Variants in LMBR1L observed in about 807,000 individuals in gnomAD.
LMBR1L encodes the protein protein LMBR1L.
A neutral mutation model predicts 67.3 loss-of-function variants in LMBR1L; 47 were observed. The ratio of observed to expected loss-of-function variants is 0.70; its 90% CI spans 0.55 to 0.89. LMBR1L has a LOEUF of 0.89. LMBR1L is among the 40% of genes least tolerant of loss of function. The pLI is 0.00. For missense variants in LMBR1L, 533 were observed against 599.2 expected, an observed-to-expected ratio of 0.89 and a Z score of 1.15; for synonymous variants, 247 against 250.3, an observed-to-expected ratio of 0.99 and a Z score of 0.13.
chr12:49,108,712 C>G (rs902662790), intron 1 of LMBR1L, among the ~76,000 whole-genome samples: 2 of 151,764 alleles, frequency 1.3e-5, no homozygotes, highest in African/African-American at 4.8e-5. Context: ...CCAGCCTGGG[C>G]GACAGAGTGA....
Position 49,109,938 on chromosome 12 carries a change from G to T in LMBR1L, c.72+546C>A, listed in dbSNP as rs1042438995. 3.1e-5 allele frequency: 13 copies of T among 420,600 alleles called. 1 individual carries two copies. The highest frequency in any genetic ancestry group is 2.1e-4 in the South Asian group (13 of 60,568). The allele number at this position is 420,600 out of a possible 1,614,324, so 26.1% of individuals were successfully genotyped here. A position where few individuals can be genotyped will look rare whatever the true frequency, so the allele number is the denominator to read the frequency against. ...AAGAAAAAAGACGGGGGAATACTTG[G>T]TTGTTCCTCATCTCTACATATTAGG... On this transcript the variant is annotated intron_variant, in intron 1 of 16. Coordinates refer to ENST00000267102, the MANE Select transcript of LMBR1L (RefSeq NM_018113.4).
chr12:49,109,577 T>C (rs778836468), intron 1 of LMBR1L: 4 of 405,116 alleles, frequency 9.9e-6, no homozygotes, highest in Non-Finnish European at 1.9e-5. Flanking sequence ...TCTTTCTGTT[T>C]TTCCAAACCA....
chr12:49,103,825 G>T lies in LMBR1L; in HGVS notation c.436-12C>A, dbSNP rs773854807. 3 of 1,603,242 alleles carry T rather than the reference G, an allele frequency of 1.9e-6. No individual in the cohort carries two copies. The highest frequency in any genetic ancestry group is 1.7e-6 in the Non-Finnish European group (2 of 1,175,440). ...CGGCCCAGGACACCCTACGGGAGGA[G>T]GCAACCAGTGAAGAAGGTTAACATC... On this transcript the variant is annotated splice_polypyrimidine_tract_variant and intron_variant, in intron 5 of 16. Transcript: ENST00000267102.
chr12:49,107,713 C>T (rs1051768273), intron 1 of LMBR1L, among the ~76,000 whole-genome samples: 4 of 152,190 alleles, frequency 2.6e-5, no homozygotes, highest in South Asian at 4.1e-4. Flanking sequence ...GGCTGGACTG[C>T]CAAGTGACAG....
rs553495773 is a variant in LMBR1L at position 49,109,327 on chromosome 12, C to T, written c.72+1157G>A. On this transcript the variant is annotated intron_variant, in intron 1 of 16. Coordinates refer to ENST00000267102, the MANE Select transcript of LMBR1L (RefSeq NM_018113.4). ...GGGTGTGCCTCTGCAATATGCCCAA[C>T]CCACCATGTGGACTGTCCACCAAGA... is the stretch of plus-strand genomic sequence containing the variant. Among the ~76,000 whole-genome samples, 7 of 152,318 alleles carry T rather than the reference C, an allele frequency of 4.6e-5. No individual in the cohort carries two copies. The South Asian group carries it at 1.5e-3, about 32-fold the overall frequency.
intron 4 of LMBR1L, 71 bp from the exon 5 acceptor site, chr12:49,104,622 CAGG>C (rs1326936905): frequency 5.1e-6 from 8 of 1,562,352 alleles, no homozygotes; most frequent in East Asian, 4.5e-5. Flanking sequence ...TGACCATTTG[CAGG>C]AGAAGCAGAG....
intron 2 of LMBR1L, 186 bp downstream of exon 2, chr12:49,106,775 C>T (rs752994052): frequency 2.4e-6 from 2 of 833,178 alleles, no homozygotes; most frequent in Non-Finnish European, 4.0e-6. Context: ...ATATGACTTG[C>T]CCAGCAGACA....
chr12:49,101,635 AT>A, intron 11 of LMBR1L, 86 bp from the exon 12 acceptor site: 1 of 964,108 alleles, frequency 1.0e-6, no homozygotes, highest in Non-Finnish European at 1.6e-6. Flanking sequence ...CTGGTCCAAC[AT>A]TTTCAGTTTC....
In LMBR1L at chr12:49,103,131, G is replaced by C. The variant is rs551018909; in HGVS notation, c.591C>G (p.Leu197=). ...CCCCAAGGAAGGAGATGCATGAGTA[G>C]AGGTAGGGGAGATAGTACTCCCAAA... ...YDFWEYYLPY[L]YSCISFLGVL... The change falls in exon 7 of 17, where the codon CTC becomes CTG. Residue 197 remains leucine, a synonymous_variant. Transcript: ENST00000267102. 7.4e-6 allele frequency: 12 copies of C among 1,614,036 alleles called. No individual in the cohort carries two copies. The South Asian group carries it at 1.1e-4, about 15-fold the overall frequency.
chr12:49,097,975 T>G lies in LMBR1L; in HGVS notation c.1371A>C (p.Ala457=), dbSNP rs761702345. ...CCCGGATCAGCTCTGCCCGCACAGC[T>G]GCAGTGAAGGTCTTCACCAGACAGA... ...TTLCLVKTFT[A]AVRAELIRAF... Residue 457 remains alanine, a synonymous_variant, in exon 16 of 17, where the codon GCA becomes GCC. Coordinates refer to ENST00000267102, the MANE Select transcript of LMBR1L (RefSeq NM_018113.4). The G allele has an allele frequency of 6.2e-7, 1 of 1,613,852 alleles. No homozygotes were observed. The highest frequency in any genetic ancestry group is 1.1e-5 in the South Asian group (1 of 91,088).
At chr12:49,102,061 CCT>C (rs1940260555) in intron 11 of LMBR1L, 57 bp downstream of exon 11, 1 of 1,472,490 alleles carries the variant, frequency 6.8e-7, no homozygotes, top group Non-Finnish European at 9.5e-7. Context: ...CTCCCCTCTC[CCT>C]GAGAAGGCCT....
intron 5 of LMBR1L, chr12:49,104,075 C>G (rs759132704): frequency 6.1e-6 from 3 of 494,982 alleles, no homozygotes; most frequent in African/African-American, 5.8e-5. Flanking sequence ...CCTCCGAGGT[C>G]TGCATCCCAC....
In LMBR1L at chr12:49,110,468, G is replaced by A; in HGVS notation, c.72+16C>T. ...CCCGCAACCCCCGCTTCTCCTCGCC[G>A]GGGCCCCGCACTCACAATACACTCG... is the stretch of plus-strand genomic sequence containing the variant. On this transcript the variant is annotated intron_variant, in intron 1 of 16. Transcript: ENST00000267102. 6.2e-7 allele frequency: 1 copy of A among 1,612,330 alleles called. No homozygotes were observed. Among genetic ancestry groups the A allele is most frequent in the Non-Finnish European group, 8.5e-7 (1 of 1,178,862 alleles).
intron 3 of LMBR1L, chr12:49,105,214 T>C (rs1940741990): frequency 3.4e-6 from 1 of 296,188 alleles, no homozygotes; most frequent in Non-Finnish European, 6.4e-6. Flanking sequence ...ATGCCAAAAC[T>C]AGGGGACCTG....
intron 15 of LMBR1L, among the ~76,000 whole-genome samples, chr12:49,098,633 ATAT>A (rs1017811609): frequency 1.3e-5 from 2 of 152,164 alleles, no homozygotes; most frequent in African/African-American, 4.8e-5. Context: ...TCCCCTCATA[ATAT>A]TATCATAAAT....
chr12:49,100,001 G>A (rs752121819), intron 15 of LMBR1L, among the ~76,000 whole-genome samples: 3 of 152,234 alleles, frequency 2.0e-5, no homozygotes, highest in Non-Finnish European at 2.9e-5. Context: ...CAGGAGACAA[G>A]GGTCCTAGAC....
intron 5 of LMBR1L, 28 bp downstream of exon 5, chr12:49,104,420 C>G: frequency 2.1e-6 from 3 of 1,462,988 alleles, no homozygotes; most frequent in Non-Finnish European, 2.9e-6. Flanking sequence ...AATTCCGTTT[C>G]CTGCCTGGAT....
At chr12:49,102,433 G>A in intron 9 of LMBR1L, 35 bp downstream of exon 9, 1 of 1,613,754 alleles carries the variant, frequency 6.2e-7, no homozygotes, top group Non-Finnish European at 8.5e-7. Context: ...CCCAGGCCAA[G>A]CCTACCACCC....
At chr12:49,099,872 C>T (rs955356665) in intron 15 of LMBR1L, among the ~76,000 whole-genome samples, 5 of 152,194 alleles carry the variant, frequency 3.3e-5, no homozygotes, top group Admixed American at 6.5e-5. Context: ...TGAGCCACTG[C>T]GCCCAGCCAC....
Sources: allele counts gnomAD v4.1 joint callset (sites outside exome capture counted in the v4.1 genomes callset), GRCh38; gene constraint gnomAD v4.1.1; transcripts MANE v1.5; gene names NCBI Gene and HGNC (gene_info 2026-07-23, HGNC 2026-07-21).